The following ROBO2 variants were observed in gnomAD, a reference collection of about 807,000 sequenced individuals.
ROBO2 encodes roundabout homolog 2.
A neutral mutation model predicts 160.8 loss-of-function variants in ROBO2; 53 were observed. The ratio of observed to expected loss-of-function variants is 0.33; its 90% CI spans 0.26 to 0.41. ROBO2 has a LOEUF of 0.41. Ranked by LOEUF, ROBO2 falls within the 10% of genes least tolerant of loss-of-function variation. ROBO2 has a pLI of 1.00. For missense variants in ROBO2, 1,577 were observed against 1,722.4 expected (o/e 0.92, Z 1.49); for synonymous variants, 664 against 611.7 (o/e 1.09, Z -1.26).
At chr3:76,369,121 A>G (rs1045865278) in intron 2 of ROBO2, among the ~76,000 whole-genome samples, 5 of 151,914 alleles carry the variant, frequency 3.3e-5, no homozygotes, top group Admixed American at 1.3e-4. Context: ...TATCCATGGC[A>G]ATGTGGCTTC....
intron 2 of ROBO2, among the ~76,000 whole-genome samples, chr3:75,957,101 A>G (rs1948746146): frequency 1.3e-5 from 2 of 151,694 alleles, no homozygotes; most frequent in South Asian, 4.1e-4. Context: ...TGCAAGGCCT[A>G]CAAATAAACC....
chr3:76,082,923 G>C (rs2068881684), intron 2 of ROBO2, among the ~76,000 whole-genome samples: 1 of 151,952 alleles, frequency 6.6e-6, no homozygotes, highest in Non-Finnish European at 1.5e-5. Context: ...GATCACCATG[G>C]GCATAGAGTA....
At chr3:76,533,965 G>A (rs940767309) in intron 2 of ROBO2, among the ~76,000 whole-genome samples, 2 of 152,132 alleles carry the variant, frequency 1.3e-5, no homozygotes, top group African/African-American at 4.8e-5. Context: ...CAGATTTCTT[G>A]GCTCCTGCAG....
chr3:76,864,603 G>A (rs966008484), intron 2 of ROBO2, among the ~76,000 whole-genome samples: 4 of 151,996 alleles, frequency 2.6e-5, no homozygotes, highest in Non-Finnish European at 5.9e-5. Context: ...GTCACCGTAT[G>A]TCTGTAGGTA....
At chr3:77,632,706 G>T in intron 23 of ROBO2, 3 of 1,464,370 alleles carry the variant, frequency 2.0e-6, no homozygotes, top group South Asian at 1.3e-5. Context: ...TCTTGTCCTT[G>T]GACACTGTCC....
At chr3:77,373,812 G>A (rs767571420) in intron 2 of ROBO2, among the ~76,000 whole-genome samples, 1 of 146,922 alleles carries the variant, frequency 6.8e-6, no homozygotes, top group South Asian at 2.2e-4. Flanking sequence ...TGCAGTTGCT[G>A]TTTTCATTCA....
chr3:76,209,017 A>C (rs1050073660), intron 2 of ROBO2, among the ~76,000 whole-genome samples: 3 of 152,186 alleles, frequency 2.0e-5, no homozygotes, highest in South Asian at 2.1e-4. Flanking sequence ...CCAGGAAAAA[A>C]CATGTGAAAT....
chr3:76,161,507 A>G (rs945161869), intron 2 of ROBO2, among the ~76,000 whole-genome samples: 26 of 152,120 alleles, frequency 1.7e-4, no homozygotes, highest in African/African-American at 6.3e-4. Flanking sequence ...AATGTCACCA[A>G]TGTCTCCAAA....
At chr3:77,112,186 C>G (rs1477898055) in intron 2 of ROBO2, among the ~76,000 whole-genome samples, 2 of 112,690 alleles carry the variant, frequency 1.8e-5, no homozygotes, top group Non-Finnish European at 3.3e-5. Context: ...CAGAGCGAGA[C>G]TCGTCTCAAA....
intron 1 of ROBO2, among the ~76,000 whole-genome samples, chr3:77,061,801 A>C (rs1366981628): frequency 6.6e-6 from 1 of 152,154 alleles, no homozygotes; most frequent in Non-Finnish European, 1.5e-5. Context: ...GGTGGAACCA[A>C]TTAACATATA....
chr3:76,083,627 C>A (rs1015634210), intron 2 of ROBO2, among the ~76,000 whole-genome samples: 1 of 152,054 alleles, frequency 6.6e-6, no homozygotes, highest in Non-Finnish European at 1.5e-5. Flanking sequence ...ATTCATAGAG[C>A]ACTTTTTGTC....
chr3:76,192,788 T>A (rs1448315457), intron 2 of ROBO2, among the ~76,000 whole-genome samples: 4 of 152,114 alleles, frequency 2.6e-5, no homozygotes, highest in African/African-American at 9.7e-5. Flanking sequence ...AAACAAATAA[T>A]ACAATCTGTC....
intron 2 of ROBO2, among the ~76,000 whole-genome samples, chr3:76,256,938 G>A (rs1447836384): frequency 6.6e-6 from 1 of 151,810 alleles, no homozygotes; most frequent in Non-Finnish European, 1.5e-5. Context: ...AGTGGGGCGG[G>A]GAGGGACCAC....
At chr3:76,588,827 G>A (rs916961345) in intron 2 of ROBO2, among the ~76,000 whole-genome samples, 1 of 152,168 alleles carries the variant, frequency 6.6e-6, no homozygotes, top group African/African-American at 2.4e-5. Flanking sequence ...TTATCCAAGT[G>A]AATATGTAGT....
intron 2 of ROBO2, among the ~76,000 whole-genome samples, chr3:77,032,424 T>C (rs748914793): frequency 6.6e-6 from 1 of 152,188 alleles, no homozygotes; most frequent in Non-Finnish European, 1.5e-5. Context: ...ATTTAAAAGG[T>C]ATATTGCAGT....
At chr3:76,829,014 A>G (rs983489988) in intron 2 of ROBO2, among the ~76,000 whole-genome samples, 1 of 152,070 alleles carries the variant, frequency 6.6e-6, no homozygotes, top group African/African-American at 2.4e-5. Flanking sequence ...GTCTACATCC[A>G]TGATTCTTTC....
chr3:77,449,391 C>G (rs1220321974), intron 2 of ROBO2, among the ~76,000 whole-genome samples: 1 of 151,926 alleles, frequency 6.6e-6, no homozygotes, highest in Non-Finnish European at 1.5e-5. Flanking sequence ...AATATGCAGT[C>G]AGATTGGCAA....
intron 2 of ROBO2, among the ~76,000 whole-genome samples, chr3:76,797,606 C>G (rs1346149632): frequency 6.7e-6 from 1 of 150,278 alleles, no homozygotes; most frequent in East Asian, 2.0e-4. Context: ...AAAATCAAAA[C>G]AAAAAAGACA....
chr3:76,602,822 A>C (rs1380522662), intron 2 of ROBO2, among the ~76,000 whole-genome samples: 1 of 152,156 alleles, frequency 6.6e-6, no homozygotes, highest in East Asian at 1.9e-4. Context: ...TTACAATTCA[A>C]GATGAGATTT....
Sources: gnomAD v4.1 joint callset for allele counts (sites outside exome capture counted in the v4.1 genomes callset) on GRCh38, gnomAD v4.1.1 for gene constraint, MANE v1.5 for transcripts, NCBI Gene and HGNC (gene_info 2026-07-23, HGNC 2026-07-21) for gene names.